Variants in MED28 observed in about 807,000 individuals in gnomAD.
MED28 encodes mediator complex subunit 28, also known as mediator of RNA polymerase II transcription subunit 28.
In MED28, 26 loss-of-function variants were observed where a neutral mutation model predicts 21.3. The observed-to-expected ratio is 1.22, with a 90% CI of 0.89 to 1.69. The LOEUF (loss-of-function observed/expected upper bound fraction) is 1.69, where lower values mean the gene tolerates loss of function less well. Ranked by LOEUF, MED28 falls within the 40% of genes most tolerant of loss-of-function variation. The pLI, the probability that MED28 is intolerant of heterozygous loss-of-function variation, is 0.00. For missense variants in MED28, 257 were observed against 215.4 expected (o/e 1.19, Z -1.21); for synonymous variants, 110 against 87.6 (o/e 1.26, Z -1.43).
chr4:17,629,547 A>C lies in MED28; in HGVS notation c.*5749A>C, dbSNP rs1433106966. The C allele has an allele frequency of 6.6e-6, 1 of 152,230 alleles. No homozygotes were observed. Among genetic ancestry groups the C allele is most frequent in the African/African-American group, 2.4e-5 (1 of 41,466 alleles). The allele number at this position is 152,230 out of a possible 1,614,324, so 9.4% of individuals were successfully genotyped here. On this transcript the variant is annotated 3_prime_UTR_variant, in exon 4 of 4. Coordinates refer to ENST00000237380, the MANE Select transcript of MED28 (RefSeq NM_025205.5). ...AAAACAGTTTGCTTTCATGTGGAACAGATAGTATTCCTTTCAGTTTTGCTG... is the reference window on the plus strand; with the variant it reads ...AAAACAGTTTGCTTTCATGTGGAACCGATAGTATTCCTTTCAGTTTTGCTG...
In MED28 at chr4:17,633,784, G is replaced by A; in HGVS notation, c.*9986G>A. On this transcript the variant is annotated 3_prime_UTR_variant, in exon 4 of 4. Coordinates refer to ENST00000237380, the MANE Select transcript of MED28 (RefSeq NM_025205.5). Reference sequence around the variant, plus strand: ...AGCTGGGTGATGTAGTTATTGGAGGGGCATTAATCCTGGAACTCAGATCGC... The same window carrying A: ...AGCTGGGTGATGTAGTTATTGGAGGAGCATTAATCCTGGAACTCAGATCGC... 2 of 1,551,514 alleles carry A rather than the reference G, an allele frequency of 1.3e-6. No homozygotes were observed. The highest frequency in any genetic ancestry group is 2.4e-5 in the East Asian group (1 of 40,918).
Position 17,625,789 on chromosome 4 carries a change from GTAC to G in MED28, c.*1993_*1995del. Reference sequence around the variant, plus strand: ...ATGCCCTCTGCCAAGCACTGCTCTGGTACTGGGGAGTGGAGTATTATGTCTTGG... The same window carrying G: ...ATGCCCTCTGCCAAGCACTGCTCTGGTGGGGAGTGGAGTATTATGTCTTGG... On this transcript the variant is annotated 3_prime_UTR_variant, in exon 4 of 4. Transcript: ENST00000237380. The G allele has an allele frequency of 2.6e-6, 1 of 380,042 alleles. No homozygotes were observed. The highest frequency in any genetic ancestry group is 5.1e-6 in the Non-Finnish European group (1 of 196,238). The allele number at this position is 380,042 out of a possible 1,614,324, so 23.5% of individuals were successfully genotyped here. A position where few individuals can be genotyped will look rare whatever the true frequency, so the allele number is the denominator to read the frequency against.
chr4:17,621,789 C>G (rs1195729676), intron 3 of MED28, 90 bp downstream of exon 3: 1 of 873,830 alleles, frequency 1.1e-6, no homozygotes, highest in Non-Finnish European at 1.8e-6. Context: ...TAACCGTTTC[C>G]TGCGAGTTTC....
rs772467729 is a variant in MED28, at chr4:17,634,033, T to G, written c.*10235T>G. On this transcript the variant is annotated 3_prime_UTR_variant, in exon 4 of 4. Transcript: ENST00000237380. ...ATTTATACACTTACATGCTATTTTT[T>G]AAAGCACTTTTCCCTCCAATCTTCA... 3.6e-6 allele frequency: 2 copies of G among 561,160 alleles called. No individual in the cohort carries two copies. Among genetic ancestry groups the G allele is most frequent in the Non-Finnish European group, 5.6e-6 (2 of 359,082 alleles). The allele number at this position is 561,160 out of a possible 1,614,324, so 34.8% of individuals were successfully genotyped here. A position where few individuals can be genotyped will look rare whatever the true frequency, so the allele number is the denominator to read the frequency against.
In MED28 at chr4:17,631,422, C is replaced by T. The variant is rs756970296; in HGVS notation, c.*7624C>T. ...TCAAGCTCTCCTCCCATCTCAGCCT[C>T]CCAAAGTGTTGGGATTACAGGCATG... On this transcript the variant is annotated 3_prime_UTR_variant, in exon 4 of 4. Coordinates refer to ENST00000237380, the MANE Select transcript of MED28 (RefSeq NM_025205.5). The T allele has an allele frequency of 3.9e-5, 6 of 152,224 alleles. No individual in the cohort carries two copies. The highest frequency in any genetic ancestry group is 8.8e-5 in the Non-Finnish European group (6 of 68,120). 9.4% of individuals were successfully genotyped at this position (152,224 alleles called of 1,614,324 possible).
Position 17,633,797 on chromosome 4 carries a change from G to A in MED28, c.*9999G>A. On this transcript the variant is annotated 3_prime_UTR_variant, in exon 4 of 4. Coordinates refer to ENST00000237380, the MANE Select transcript of MED28 (RefSeq NM_025205.5). The stretch of plus-strand genomic sequence containing the variant: ...AGTTATTGGAGGGGCATTAATCCTG[G>A]AACTCAGATCGCCACTCAGAAAGTT... 6.4e-7 allele frequency: 1 copy of A among 1,551,614 alleles called. No homozygotes were observed.
In MED28 at chr4:17,626,585, A is replaced by G. The variant is rs1373353084; in HGVS notation, c.*2787A>G. 1 of 152,088 alleles carries G rather than the reference A, an allele frequency of 6.6e-6. No individual in the cohort carries two copies. Among genetic ancestry groups the G allele is most frequent in the Admixed American group, 6.5e-5 (1 of 15,272 alleles). The allele number at this position is 152,088 out of a possible 1,614,324, so 9.4% of individuals were successfully genotyped here. ...CCACCAAGAAGGCCTTTTTTCTTGAATACTGCTTAGCTTCCTTGTCAGGCT... is the reference window on the plus strand; with the variant it reads ...CCACCAAGAAGGCCTTTTTTCTTGAGTACTGCTTAGCTTCCTTGTCAGGCT... On this transcript the variant is annotated 3_prime_UTR_variant, in exon 4 of 4. Coordinates refer to ENST00000237380, the MANE Select transcript of MED28 (RefSeq NM_025205.5).
In MED28 at chr4:17,631,061, A is replaced by G. The variant is rs1014621701; in HGVS notation, c.*7263A>G. ...TGTCAAATCACATTGCTCTGTCAGA[A>G]GGTAAGACAAATCAGTGTGGACTGA... is the stretch of plus-strand genomic sequence containing the variant. On this transcript the variant is annotated 3_prime_UTR_variant, in exon 4 of 4. Transcript: ENST00000237380. 1 of 152,226 alleles carries G rather than the reference A, an allele frequency of 6.6e-6. No homozygotes were observed. The highest frequency in any genetic ancestry group is 2.4e-5 in the African/African-American group (1 of 41,448). 9.4% of individuals were successfully genotyped at this position (152,226 alleles called of 1,614,324 possible). A position where few individuals can be genotyped will look rare whatever the true frequency, so the allele number is the denominator to read the frequency against.
chr4:17,617,905 CA>C (rs372113050), intron 1 of MED28, among the ~76,000 whole-genome samples: 12 of 145,860 alleles, frequency 8.2e-5, no homozygotes, highest in South Asian at 4.3e-4. Flanking sequence ...GACTCCATCT[CA>C]AAAAAAAAAT....
rs1715026297 is a variant in MED28 at position 17,633,505 on chromosome 4, A to G, written c.*9707A>G. The G allele has an allele frequency of 3.8e-6, 2 of 530,652 alleles. No individual in the cohort carries two copies. Among genetic ancestry groups the G allele is most frequent in the South Asian group, 7.1e-5 (2 of 28,288 alleles). The allele number at this position is 530,652 out of a possible 1,614,324, so 32.9% of individuals were successfully genotyped here. ...ATTTGAATTCAGACCTCCAGGCCAG[A>G]TGGAGTCCACCTTTTGTATAACCCA... On this transcript the variant is annotated 3_prime_UTR_variant, in exon 4 of 4. Coordinates refer to ENST00000237380, the MANE Select transcript of MED28 (RefSeq NM_025205.5).
intron 1 of MED28, among the ~76,000 whole-genome samples, chr4:17,619,308 T>A (rs981772151): frequency 6.6e-5 from 10 of 152,226 alleles, no homozygotes; most frequent in Non-Finnish European, 1.2e-4. Context: ...TATGTGTTAT[T>A]AAACACTTCC....
In MED28 at chr4:17,632,138, G is replaced by A. The variant is rs1261195263; in HGVS notation, c.*8340G>A. The A allele has an allele frequency of 2.3e-5, 3 of 131,092 alleles. No homozygotes were observed. The highest frequency in any genetic ancestry group is 4.4e-4 in the East Asian group (2 of 4,556). 8.1% of individuals were successfully genotyped at this position (131,092 alleles called of 1,614,324 possible). ...CAGGCTGGTTGGAATGCAGGAGTTC[G>A]AACTTGGCTCACTGCAACCTCTGCC... On this transcript the variant is annotated 3_prime_UTR_variant, in exon 4 of 4. Coordinates refer to ENST00000237380, the MANE Select transcript of MED28 (RefSeq NM_025205.5).
rs1714643991 is a variant in MED28 at position 17,621,776 on chromosome 4, A to G, written c.339+77A>G. The stretch of plus-strand genomic sequence containing the variant: ...GGATTCCTTTTATGCTTTAAATGAG[A>G]TGTAACCGTTTCCTGCGAGTTTCAT... On this transcript the variant is annotated intron_variant, in intron 3 of 3. Coordinates refer to ENST00000237380, the MANE Select transcript of MED28 (RefSeq NM_025205.5). 5.2e-6 allele frequency: 5 copies of G among 965,930 alleles called. No individual in the cohort carries two copies. In the East Asian group the frequency reaches 1.2e-4, roughly 24 times the overall value. The allele number at this position is 965,930 out of a possible 1,614,324, so 59.8% of individuals were successfully genotyped here.
Position 17,632,690 on chromosome 4 carries a change from A to ACC in MED28, c.*8893_*8894dup, listed in dbSNP as rs140116194. 13,933 of 1,076,710 alleles carry ACC rather than the reference A, an allele frequency of 0.013. 122 individuals carry two copies. The highest frequency in any genetic ancestry group is 0.018 in the African/African-American group (1,110 of 63,310). The allele number at this position is 1,076,710 out of a possible 1,614,324, so 66.7% of individuals were successfully genotyped here. On this transcript the variant is annotated 3_prime_UTR_variant, in exon 4 of 4. Transcript: ENST00000237380. The stretch of plus-strand genomic sequence containing the variant: ...CTATGCAAGAAGCAGCTTAATACCC[A>ACC]CCATCTTTTCAGGGAAAGATAACTG...
intron 1 of MED28, 37 bp downstream of exon 1, chr4:17,614,850 C>T (rs762118918): frequency 1.3e-6 from 2 of 1,553,584 alleles, no homozygotes; most frequent in Non-Finnish European, 1.7e-6. Context: ...CCCTAGCCTT[C>T]CCTTTTTTCT....
chr4:17,617,632 T>TG (rs1198598125), intron 1 of MED28, among the ~76,000 whole-genome samples: 1 of 152,164 alleles, frequency 6.6e-6, no homozygotes, highest in African/African-American at 2.4e-5. Flanking sequence ...TCTAGGCAGA[T>TG]GCGGTGGCTC....
rs1715041902 is a variant in MED28 at position 17,633,894 on chromosome 4, T to G, written c.*10096T>G. 1.3e-6 allele frequency: 2 copies of G among 1,543,166 alleles called. No homozygotes were observed. Among genetic ancestry groups the G allele is most frequent in the Non-Finnish European group, 1.7e-6 (2 of 1,143,422 alleles). On this transcript the variant is annotated 3_prime_UTR_variant, in exon 4 of 4. Coordinates refer to ENST00000237380, the MANE Select transcript of MED28 (RefSeq NM_025205.5). Reference sequence around the variant, plus strand: ...ACGTCCTCCACCTTCTTTTTCTGTTTGTATTAATGGACAGGTTAGTGCAAT... The same window carrying G: ...ACGTCCTCCACCTTCTTTTTCTGTTGGTATTAATGGACAGGTTAGTGCAAT...
At position 17,625,297 on chromosome 4, in the gene MED28, T is replaced by G. The variant is rs1714746519; in HGVS notation, c.*1499T>G. The G allele has an allele frequency of 5.7e-6, 1 of 176,744 alleles. No homozygotes were observed. The highest frequency in any genetic ancestry group is 2.4e-5 in the African/African-American group (1 of 41,776). The allele number at this position is 176,744 out of a possible 1,614,324, so 10.9% of individuals were successfully genotyped here. A position where few individuals can be genotyped will look rare whatever the true frequency, so the allele number is the denominator to read the frequency against. On this transcript the variant is annotated 3_prime_UTR_variant, in exon 4 of 4. Transcript: ENST00000237380. ...ATCTTTTTGGTGTGTGTATATGGTA[T>G]CTGGCACATGGATCTCTGATTACCA...
intron 1 of MED28, 122 bp from the exon 2 acceptor site, chr4:17,619,779 A>C: frequency 1.3e-6 from 1 of 775,198 alleles, no homozygotes; most frequent in Non-Finnish European, 2.2e-6. Context: ...TTGCCATCTC[A>C]TATGCAAACA....
Sources: gnomAD v4.1 joint callset for allele counts (sites outside exome capture counted in the v4.1 genomes callset) on GRCh38, gnomAD v4.1.1 for gene constraint, MANE v1.5 for transcripts, NCBI Gene and HGNC (gene_info 2026-07-23, HGNC 2026-07-21) for gene names.